MCTP1: variants seen among roughly 807,000 people sequenced by gnomAD.
MCTP1 encodes the protein multiple C2 and transmembrane domain containing 1.
Under a neutral mutation model 120.6 loss-of-function variants are expected in MCTP1, and 69 were observed. The ratio of observed to expected loss-of-function variants is 0.57; its 90% CI spans 0.47 to 0.70. The LOEUF (loss-of-function observed/expected upper bound fraction) is 0.70. Among genes scored for constraint, MCTP1 ranks in the 30% least tolerant of loss-of-function variants. MCTP1 has a pLI of 0.00. For missense variants in MCTP1, 1,203 were observed against 1,248.8 expected (o/e 0.96, Z 0.55); for synonymous variants, 529 against 493.1 (o/e 1.07, Z -0.96).
intron 1 of MCTP1, among the ~76,000 whole-genome samples, chr5:95,034,472 G>T (rs777306771): frequency 1.1e-4 from 17 of 152,026 alleles, no homozygotes; most frequent in Admixed American, 7.9e-4. Flanking sequence ...AAGCAATGGG[G>T]AAAGAACACT....
chr5:94,778,217 T>C (rs1239860641), intron 19 of MCTP1, among the ~76,000 whole-genome samples: 1 of 152,046 alleles, frequency 6.6e-6, no homozygotes, highest in Non-Finnish European at 1.5e-5. Context: ...TACTACAATA[T>C]AAGTCAGATT....
At chr5:95,174,135 G>A (rs1288749821) in intron 1 of MCTP1, among the ~76,000 whole-genome samples, 1 of 151,964 alleles carries the variant, frequency 6.6e-6, no homozygotes, top group African/African-American at 2.4e-5. Context: ...GCCTTGCTAG[G>A]GGAGGGGCAT....
chr5:94,932,630 A>G (rs1017127322), intron 5 of MCTP1, among the ~76,000 whole-genome samples: 1 of 152,064 alleles, frequency 6.6e-6, no homozygotes, highest in African/African-American at 2.4e-5. Context: ...CCCCAAGATC[A>G]CTAATCTCTT....
intron 1 of MCTP1, among the ~76,000 whole-genome samples, chr5:95,037,869 A>G (rs551550395): frequency 1.9e-4 from 29 of 152,174 alleles, no homozygotes; most frequent in African/African-American, 6.5e-4. Context: ...TCTGTCTCAA[A>G]AAAACAAAAA....
chr5:94,955,162 G>C (rs897386559), intron 2 of MCTP1, among the ~76,000 whole-genome samples: 2 of 152,194 alleles, frequency 1.3e-5, no homozygotes, highest in Non-Finnish European at 2.9e-5. Context: ...GAAGTGCAAG[G>C]GTTCGGGGAA....
intron 1 of MCTP1, among the ~76,000 whole-genome samples, chr5:95,129,902 C>G: frequency 6.6e-6 from 1 of 152,068 alleles, no homozygotes. Flanking sequence ...CTCAGGCGAT[C>G]CACCTGCCTT....
At chr5:94,733,152 G>A (rs1251221224) in intron 19 of MCTP1, among the ~76,000 whole-genome samples, 1 of 152,116 alleles carries the variant, frequency 6.6e-6, no homozygotes, top group Non-Finnish European at 1.5e-5. Flanking sequence ...CATTTTCAAA[G>A]TTACTATTTC....
At chr5:94,750,953 C>T (rs1206353889) in intron 19 of MCTP1, among the ~76,000 whole-genome samples, 1 of 152,130 alleles carries the variant, frequency 6.6e-6, no homozygotes, top group African/African-American at 2.4e-5. Flanking sequence ...GAAATGTCCC[C>T]GTCATCCAGA....
At chr5:94,839,720 G>A (rs894289897) in intron 17 of MCTP1, among the ~76,000 whole-genome samples, 6 of 152,118 alleles carry the variant, frequency 3.9e-5, no homozygotes, top group Non-Finnish European at 5.9e-5. Context: ...AAACCCAAAC[G>A]ATGGATTTGA....
At chr5:95,255,920 G>A (rs539541835) in intron 1 of MCTP1, among the ~76,000 whole-genome samples, 6 of 152,174 alleles carry the variant, frequency 3.9e-5, no homozygotes, top group African/African-American at 9.6e-5. Flanking sequence ...GCAGAAGTTC[G>A]GTCATAAACA....
chr5:95,160,515 A>ATTT (rs1265190749), intron 1 of MCTP1, among the ~76,000 whole-genome samples: 1 of 152,074 alleles, frequency 6.6e-6, no homozygotes, highest in African/African-American at 2.4e-5. Context: ...ATTTCTTTTA[A>ATTT]TTTTTATTAT....
At chr5:94,729,435 C>A (rs1242115714) in intron 19 of MCTP1, among the ~76,000 whole-genome samples, 1 of 152,138 alleles carries the variant, frequency 6.6e-6, no homozygotes, top group African/African-American at 2.4e-5. Context: ...CTAGTCACTG[C>A]TGGATAATGT....
At chr5:95,021,025 C>T (rs967816419) in intron 1 of MCTP1, among the ~76,000 whole-genome samples, 9 of 152,050 alleles carry the variant, frequency 5.9e-5, no homozygotes, top group East Asian at 3.9e-4. Context: ...TGATTATTAT[C>T]GCATTTGTAT....
chr5:94,874,674 T>G (rs1303913901), intron 12 of MCTP1, among the ~76,000 whole-genome samples: 1 of 152,096 alleles, frequency 6.6e-6, no homozygotes, highest in Non-Finnish European at 1.5e-5. Flanking sequence ...TTTATCCTCT[T>G]GCCTACATGT....
chr5:94,955,779 G>C (rs569411090), intron 2 of MCTP1, among the ~76,000 whole-genome samples: 2 of 152,314 alleles, frequency 1.3e-5, no homozygotes, highest in East Asian at 3.9e-4. Flanking sequence ...GGAGTTTATA[G>C]ATAAAACTCC....
chr5:94,838,798 T>A (rs952598021), intron 17 of MCTP1, among the ~76,000 whole-genome samples: 2 of 152,106 alleles, frequency 1.3e-5, no homozygotes, highest in Non-Finnish European at 2.9e-5. Context: ...AGTATATATT[T>A]TGAGTAGATG....
At chr5:95,036,884 C>T (rs973905887) in intron 1 of MCTP1, among the ~76,000 whole-genome samples, 1 of 148,508 alleles carries the variant, frequency 6.7e-6, no homozygotes, top group East Asian at 2.1e-4. Context: ...TTCAAGGTTA[C>T]CCTACCCTTA....
At chr5:94,783,301 TAAA>T (rs1776961604) in intron 18 of MCTP1, among the ~76,000 whole-genome samples, 1 of 152,118 alleles carries the variant, frequency 6.6e-6, no homozygotes, top group Non-Finnish European at 1.5e-5. Flanking sequence ...GTCATTAACA[TAAA>T]ATATAATATG....
At chr5:95,274,730 T>C (rs150028562) in intron 1 of MCTP1, among the ~76,000 whole-genome samples, 304 of 152,172 alleles carry the variant, frequency 2.0e-3, no homozygotes, top group African/African-American at 7.1e-3. Context: ...TTCATGCCAT[T>C]CTCCTGCCTC....
Sources: gnomAD v4.1 joint callset for allele counts (sites outside exome capture counted in the v4.1 genomes callset) on GRCh38, gnomAD v4.1.1 for gene constraint, MANE v1.5 for transcripts, NCBI Gene and HGNC (gene_info 2026-07-23, HGNC 2026-07-21) for gene names.